CLYBL: variants seen among roughly 807,000 people sequenced by gnomAD.
CLYBL encodes the protein citramalyl-CoA lyase, mitochondrial.
CLYBL carries 31 observed loss-of-function variants against 38.9 expected under a neutral mutation model. The observed-to-expected ratio is 0.80, with a 90% CI of 0.60 to 1.08. The LOEUF (loss-of-function observed/expected upper bound fraction) is 1.08. Ranked by LOEUF, CLYBL falls within the 50% of genes least tolerant of loss-of-function variation. The pLI is 0.00. For synonymous variants in CLYBL, 171 were observed against 158.6 expected, an observed-to-expected ratio of 1.08 and a Z score of -0.59; for missense variants, 434 against 411.6, an observed-to-expected ratio of 1.05 and a Z score of -0.47.
chr13:99,649,934 T>C (rs745495353), intron 1 of CLYBL, among the ~76,000 whole-genome samples: 2 of 151,036 alleles, frequency 1.3e-5, no homozygotes, highest in African/African-American at 4.9e-5. Context: ...CTGAGCAATA[T>C]AGCAAGACCT....
At chr13:99,754,467 C>T (rs540976484) in intron 1 of CLYBL, among the ~76,000 whole-genome samples, 1 of 150,488 alleles carries the variant, frequency 6.6e-6, no homozygotes, top group African/African-American at 2.4e-5. Context: ...CACTCTGTTT[C>T]CTAGACTGGT....
At chr13:99,847,420 C>A (rs982395038) in intron 2 of CLYBL, among the ~76,000 whole-genome samples, 1 of 152,172 alleles carries the variant, frequency 6.6e-6, no homozygotes, top group East Asian at 1.9e-4. Context: ...CAGTTAATTA[C>A]CTCCTCTAAC....
intron 1 of CLYBL, among the ~76,000 whole-genome samples, chr13:99,659,202 ATG>A (rs143623417): frequency 0.018 from 2,690 of 150,726 alleles, 73 homozygotes; most frequent in African/African-American, 0.061. Flanking sequence ...CCTCTAAGCT[ATG>A]TGTGTGTGTG....
intron 2 of CLYBL, among the ~76,000 whole-genome samples, chr13:99,836,944 A>C (rs1332796863): frequency 6.6e-6 from 1 of 152,154 alleles, no homozygotes. Context: ...ATGCTAAATG[A>C]CAAGTTAATG....
chr13:99,688,598 CTT>C (rs75948028), intron 1 of CLYBL, among the ~76,000 whole-genome samples: 27 of 139,570 alleles, frequency 1.9e-4, no homozygotes, highest in Admixed American at 2.9e-4. Context: ...TAGTCCGATT[CTT>C]TTTTTTTTTT....
intron 1 of CLYBL, among the ~76,000 whole-genome samples, chr13:99,749,763 C>T (rs74770782): frequency 0.012 from 1,822 of 152,230 alleles, 39 homozygotes; most frequent in African/African-American, 0.042. Context: ...GGCCCTGTTC[C>T]GCCAGTGGGA....
At chr13:99,862,015 A>C (rs1318724246) in intron 3 of CLYBL, among the ~76,000 whole-genome samples, 1 of 151,178 alleles carries the variant, frequency 6.6e-6, no homozygotes, top group African/African-American at 2.4e-5. Flanking sequence ...GGGTCTTGAA[A>C]CCCCCTTTGA....
chr13:99,668,986 G>GCAGA (rs1946971352), intron 1 of CLYBL, among the ~76,000 whole-genome samples: 2 of 151,584 alleles, frequency 1.3e-5, no homozygotes, highest in African/African-American at 4.9e-5. Context: ...AGATCTAGGG[G>GCAGA]TGACTTTATA....
intron 2 of CLYBL, among the ~76,000 whole-genome samples, chr13:99,828,410 G>A (rs1555589): frequency 0.76 from 115,872 of 152,188 alleles, 45,345 homozygotes; most frequent in African/African-American, 0.93. Context: ...TTATCTCAGA[G>A]ATGAAGGTTT....
At chr13:99,906,385 A>G (rs1385785302) in intron 9 of CLYBL, among the ~76,000 whole-genome samples, 1 of 152,018 alleles carries the variant, frequency 6.6e-6, no homozygotes, top group African/African-American at 2.4e-5. Context: ...TGTGAGTGAA[A>G]ATCAGAATTT....
chr13:99,844,527 A>T (rs372268098), intron 2 of CLYBL, among the ~76,000 whole-genome samples: 2 of 152,204 alleles, frequency 1.3e-5, no homozygotes, highest in South Asian at 2.1e-4. Context: ...CTGCCTGCAC[A>T]TCACTCAGTG....
At chr13:99,834,160 G>A (rs1214965766) in intron 2 of CLYBL, among the ~76,000 whole-genome samples, 2 of 152,098 alleles carry the variant, frequency 1.3e-5, no homozygotes, top group South Asian at 2.1e-4. Context: ...CCTGGTTCAC[G>A]CAGCTTTAAG....
intron 7 of CLYBL, among the ~76,000 whole-genome samples, chr13:99,888,444 G>A (rs2052406178): frequency 6.6e-6 from 1 of 152,114 alleles, no homozygotes; most frequent in Non-Finnish European, 1.5e-5. Context: ...ACAGTAGCAT[G>A]GGTGTTAAAA....
In CLYBL at chr13:99,865,343, G is replaced by A. The variant is rs1206148424; in HGVS notation, c.634+432G>A. Reference sequence around the variant, plus strand: ...TTGCCTTAATGAATTGTTTTCTACAGAATATGCGGTAGGTAAATATTATTT... The same window carrying A: ...TTGCCTTAATGAATTGTTTTCTACAAAATATGCGGTAGGTAAATATTATTT... On this transcript the variant is annotated intron_variant, in intron 5 of 8. Coordinates refer to ENST00000339105, the MANE Select transcript of CLYBL (RefSeq NM_206808.5). This position sits in a 1 kb window ranked among gnomAD's most constrained non-coding sequence, Gnocchi z 4.7. 1 of 259,596 alleles carries A rather than the reference G, an allele frequency of 3.9e-6. No individual in the cohort carries two copies. Among genetic ancestry groups the A allele is most frequent in the African/African-American group, 2.3e-5 (1 of 44,290 alleles). 16.1% of individuals were successfully genotyped at this position (259,596 alleles called of 1,614,324 possible).
At chr13:99,748,180 G>T (rs1281886764) in intron 1 of CLYBL, among the ~76,000 whole-genome samples, 2 of 151,974 alleles carry the variant, frequency 1.3e-5, no homozygotes, top group Non-Finnish European at 2.9e-5. Flanking sequence ...AGAAGTTCGA[G>T]ACCAGCGTGG....
intron 1 of CLYBL, among the ~76,000 whole-genome samples, chr13:99,691,393 G>T (rs1414381530): frequency 6.6e-6 from 1 of 151,914 alleles, no homozygotes; most frequent in Non-Finnish European, 1.5e-5. Flanking sequence ...CTAAAAATTT[G>T]GGGGGGAAGG....
At chr13:99,737,726 C>T (rs557938933) in intron 1 of CLYBL, among the ~76,000 whole-genome samples, 8 of 152,314 alleles carry the variant, frequency 5.3e-5, no homozygotes, top group Admixed American at 2.6e-4. Flanking sequence ...GTCCTGGTCA[C>T]CAGGTTCCTT....
In CLYBL at chr13:99,705,574, CA is replaced by C. The variant is rs371982276; in HGVS notation, c.63-67239del. On this transcript the variant is annotated intron_variant, in intron 1 of 8. Coordinates refer to ENST00000339105, the MANE Select transcript of CLYBL (RefSeq NM_206808.5). ...CATCCTGGAGAGCAAAATTCCATCTCAAAAAAAAAAAGCATGAAATTCTGAT... is the reference window on the plus strand; with the variant it reads ...CATCCTGGAGAGCAAAATTCCATCTCAAAAAAAAAAGCATGAAATTCTGAT... Among the ~76,000 whole-genome samples the C allele has an allele frequency of 4.5e-4, 59 of 131,928 alleles. 1 individual carries two copies. The highest frequency in any genetic ancestry group is 4.9e-4 in the South Asian group (2 of 4,080). The allele number at this position is 131,928 out of a possible 152,430, so 86.5% of individuals were successfully genotyped here. A position where few individuals can be genotyped will look rare whatever the true frequency, so the allele number is the denominator to read the frequency against.
chr13:99,766,933 CAG>C (rs1377641685), intron 1 of CLYBL, among the ~76,000 whole-genome samples: 1 of 152,214 alleles, frequency 6.6e-6, no homozygotes, highest in African/African-American at 2.4e-5. Context: ...AGTTACACAA[CAG>C]AGATTCCAGA....
Sources: allele counts gnomAD v4.1 joint callset (sites outside exome capture counted in the v4.1 genomes callset), GRCh38; gene constraint gnomAD v4.1.1; non-coding constraint Gnocchi (gnomAD v3.1); transcripts MANE v1.5; gene names NCBI Gene and HGNC (gene_info 2026-07-23, HGNC 2026-07-21).